MAN2A2: variants seen among roughly 807,000 people sequenced by gnomAD.
MAN2A2 encodes the protein mannosidase alpha class 2A member 2.
A neutral mutation model predicts 126.8 loss-of-function variants in MAN2A2; 79 were observed. That is an observed-to-expected ratio of 0.62 (90% CI 0.52 to 0.75). MAN2A2 has a LOEUF of 0.75. Among genes scored for constraint, MAN2A2 ranks in the 30% least tolerant of loss-of-function variants. The probability of loss-of-function intolerance (pLI) is 0.00; values close to 1 mark genes in which losing one functional copy is unlikely to be tolerated. For missense variants in MAN2A2, 1,392 were observed against 1,522.4 expected, an observed-to-expected ratio of 0.91 and a Z score of 1.43; for synonymous variants, 671 against 618.7, an observed-to-expected ratio of 1.08 and a Z score of -1.25.
At chr15:90,904,781 G>A (rs1470879025) in intron 2 of MAN2A2, among the ~76,000 whole-genome samples, 1 of 152,150 alleles carries the variant, frequency 6.6e-6, no homozygotes, top group Non-Finnish European at 1.5e-5. Context: ...GTAGAGACGA[G>A]ACGAGGTATC....
In MAN2A2 at chr15:90,914,932, C is replaced by T. The variant is rs7164275; in HGVS notation, c.2860+1177C>T. 6.0e-3 allele frequency among the ~76,000 whole-genome samples: 910 copies of T among 152,314 alleles called. 16 individuals carry two copies. The highest frequency in any genetic ancestry group is 0.02 in the African/African-American group (850 of 41,554). ...TGGCCCCCATATCCTCAGGGCAAAA[C>T]GAACAGTTTGCACTTGGTGGCATCT... On this transcript the variant is annotated intron_variant, in intron 19 of 22. Transcript: ENST00000559717.
chr15:90,905,377 G>A lies in MAN2A2; in HGVS notation c.259G>A (p.Ala87Thr), dbSNP rs370992775. ...GACAGCCAACGCAGAGGGCCCGCCC[G>A]CCATGCTGCCCTACTACACGGTCAA... ...ELTANAEGPP[A>T]MLPYYTVNGS... The change falls in exon 3 of 23, where the codon GCC becomes ACC. Residue 87 changes from alanine (A) to threonine (T), a missense_variant. Ala to Thr is a moderately conservative substitution (Grantham distance 58). Coordinates refer to ENST00000559717, the MANE Select transcript of MAN2A2 (RefSeq NM_006122.4). 5.3e-5 allele frequency: 86 copies of A among 1,613,808 alleles called. No homozygotes were observed. Among genetic ancestry groups the A allele is most frequent in the South Asian group, 3.3e-5 (3 of 91,088 alleles).
chr15:90,911,575 G>T (rs746593818), intron 14 of MAN2A2, 25 bp downstream of exon 14: 5 of 1,586,968 alleles, frequency 3.2e-6, no homozygotes, highest in Admixed American at 1.7e-5. Flanking sequence ...TGTCAGGTGG[G>T]CCTGGCCCTC....
rs1390348090 is a variant in MAN2A2, at chr15:90,921,676, T to G, written c.*1889T>G. On this transcript the variant is annotated 3_prime_UTR_variant, in exon 23 of 23. Transcript: ENST00000559717. Reference sequence around the variant, plus strand: ...GCTCACGCCTGTAATCCCGGCACTTTGGGAGGCCAAGGTGGGTGGATCACT... The same window carrying G: ...GCTCACGCCTGTAATCCCGGCACTTGGGGAGGCCAAGGTGGGTGGATCACT... 6.6e-6 allele frequency: 1 copy of G among 152,230 alleles called. No individual in the cohort carries two copies. The highest frequency in any genetic ancestry group is 1.5e-5 in the Non-Finnish European group (1 of 68,054). The allele number at this position is 152,230 out of a possible 1,614,324, so 9.4% of individuals were successfully genotyped here.
At chr15:90,918,110 AC>A in intron 20 of MAN2A2, 83 bp from the exon 21 acceptor site, 1 of 1,322,034 alleles carries the variant, frequency 7.6e-7, no homozygotes, top group Non-Finnish European at 1.1e-6. Context: ...AAAACAACTG[AC>A]CTGGGTGTGC....
At position 90,919,632 on chromosome 15, in the gene MAN2A2, C is replaced by T; in HGVS notation, c.3301-3C>T. 2 of 1,613,970 alleles carry T rather than the reference C, an allele frequency of 1.2e-6. No homozygotes were observed. The highest frequency in any genetic ancestry group is 1.3e-5 in the African/African-American group (1 of 75,044). ...AACCCTGCCCCTTCTCTGCTCTCCA[C>T]AGGTAGCCCTGGGCAGCCTTTTCCA... is the stretch of plus-strand genomic sequence containing the variant. On this transcript the variant is annotated splice_region_variant and splice_polypyrimidine_tract_variant and intron_variant, in intron 22 of 22. Coordinates refer to ENST00000559717, the MANE Select transcript of MAN2A2 (RefSeq NM_006122.4).
At chr15:90,917,984 T>A (rs1474656723) in intron 20 of MAN2A2, 1 of 571,014 alleles carries the variant, frequency 1.8e-6, no homozygotes, top group Admixed American at 3.0e-5. Flanking sequence ...AACAGCTTAG[T>A]GAAGTAGCCC....
intron 2 of MAN2A2, 135 bp downstream of exon 2, chr15:90,904,474 C>A: frequency 2.0e-6 from 2 of 1,020,368 alleles, no homozygotes; most frequent in Non-Finnish European, 2.8e-6. Context: ...CCTTCCTTCC[C>A]AATAGTCAGG....
intron 7 of MAN2A2, 178 bp downstream of exon 7, chr15:90,907,091 A>C: frequency 1.1e-6 from 1 of 893,068 alleles, no homozygotes; most frequent in Non-Finnish European, 1.7e-6. Context: ...TCTGGCCTCT[A>C]CAGGGCCTGC....
At position 90,907,484 on chromosome 15, in the gene MAN2A2, C is replaced by T. The variant is rs370757344; in HGVS notation, c.1185C>T (p.Asn395=). 4.3e-5 allele frequency: 70 copies of T among 1,611,672 alleles called. 1 individual carries two copies. Among genetic ancestry groups the T allele is most frequent in the South Asian group, 1.1e-4 (10 of 91,080 alleles). ...KVPPRAITEA[N]VAERAALLLD... is the part of the protein sequence containing the mutation. Reference sequence around the variant, plus strand: ...CACCCCGGGCCATCACAGAGGCCAACGTGGCAGAGAGGTATCTGCTTCCAG... The same window carrying T: ...CACCCCGGGCCATCACAGAGGCCAATGTGGCAGAGAGGTATCTGCTTCCAG... Residue 395 remains asparagine (N), a synonymous_variant, in exon 8 of 23, where the codon AAC becomes AAT. Transcript: ENST00000559717.
At chr15:90,902,704 G>C (rs1184617550), upstream of MAN2A2, 1 of 149,320 alleles carries the variant, frequency 6.7e-6, no homozygotes, top group East Asian at 1.9e-4. Flanking sequence ...GCAGGCCGGG[G>C]CGGGCGGCGC....
intron 20 of MAN2A2, chr15:90,917,914 G>A: frequency 2.5e-6 from 1 of 393,036 alleles, no homozygotes; most frequent in Non-Finnish European, 4.7e-6. Context: ...AGACATGGCT[G>A]ATGGGAGTGG....
chr15:90,911,500 A>T lies in MAN2A2; in HGVS notation c.2059A>T (p.Ile687Phe), dbSNP rs966734271. Residue 687 changes from isoleucine to phenylalanine, a missense_variant, in exon 14 of 23, where the codon ATC becomes TTC. Coordinates refer to ENST00000559717, the MANE Select transcript of MAN2A2 (RefSeq NM_006122.4). ...SEEGQPLAVQ[I>F]SAHWSSATEA... ...GGAGGGTCAGCCCCTGGCCGTGCAG[A>T]TCAGCGCACACTGGAGCTCTGCCAC... 1.9e-6 allele frequency: 3 copies of T among 1,614,056 alleles called. No homozygotes were observed. The highest frequency in any genetic ancestry group is 1.3e-5 in the African/African-American group (1 of 75,050).
At chr15:90,914,860 T>C (rs1020257754) in intron 19 of MAN2A2, among the ~76,000 whole-genome samples, 11 of 152,246 alleles carry the variant, frequency 7.2e-5, no homozygotes, top group Non-Finnish European at 1.6e-4. Flanking sequence ...TGGGGAGCAC[T>C]GGCCTGGAGT....
At chr15:90,904,143 A>T (rs766696530) in intron 1 of MAN2A2, 47 bp from the exon 2 acceptor site, 1 of 1,609,192 alleles carries the variant, frequency 6.2e-7, no homozygotes, top group South Asian at 1.1e-5. Context: ...AAAGACTGCC[A>T]CGGGCATTTT....
At chr15:90,904,082 A>T in intron 1 of MAN2A2, 108 bp from the exon 2 acceptor site, 1 of 1,247,380 alleles carries the variant, frequency 8.0e-7, no homozygotes, top group Non-Finnish European at 1.2e-6. Context: ...AGCCAGGCAA[A>T]TGGGTGTTCC....
In MAN2A2 at chr15:90,910,502, G is replaced by C. The variant is rs1488747237; in HGVS notation, c.1579G>C (p.Gly527Arg). The C allele has an allele frequency of 6.2e-7, 1 of 1,613,714 alleles. No homozygotes were observed. The highest frequency in any genetic ancestry group is 1.3e-5 in the African/African-American group (1 of 74,924). The part of the protein sequence containing the change: ...LDRVLEAHLR[G>R]AEVLYSLAAA... The stretch of plus-strand genomic sequence containing the variant: ...CAGCTAACTTCTCTCTCTGGGCAGG[G>C]GGGCAGAGGTTCTGTACAGCCTGGC... Residue 527 changes from glycine to arginine, a missense_variant and splice_region_variant, in exon 11 of 23, where the codon GGG (glycine) becomes CGG (arginine). Coordinates refer to ENST00000559717, the MANE Select transcript of MAN2A2 (RefSeq NM_006122.4).
chr15:90,914,251 G>A (rs2034998927), intron 19 of MAN2A2, among the ~76,000 whole-genome samples: 1 of 152,196 alleles, frequency 6.6e-6, no homozygotes, highest in African/African-American at 2.4e-5. Context: ...GATTGCTTGA[G>A]CCCAGGAGCT....
intron 2 of MAN2A2, 90 bp from the exon 3 acceptor site, chr15:90,905,161 T>C: frequency 7.0e-7 from 1 of 1,418,748 alleles, no homozygotes; most frequent in Non-Finnish European, 9.7e-7. Context: ...AGGGAAGAAT[T>C]GTACTCAGGC....
Sources: allele counts gnomAD v4.1 joint callset (sites outside exome capture counted in the v4.1 genomes callset), GRCh38; gene constraint gnomAD v4.1.1; transcripts MANE v1.5; gene names NCBI Gene and HGNC (gene_info 2026-07-23, HGNC 2026-07-21).